The following CARM1 variants were observed in gnomAD, a reference collection of about 807,000 sequenced individuals.
CARM1 encodes histone-arginine methyltransferase CARM1.
A neutral mutation model predicts 72.7 loss-of-function variants in CARM1; 14 were observed. The ratio of observed to expected loss-of-function variants is 0.19; its 90% CI spans 0.13 to 0.30. CARM1 has a LOEUF of 0.30. Ranked by LOEUF, CARM1 falls within the 10% of genes least tolerant of loss-of-function variation. The pLI is 1.00. For missense variants in CARM1, 432 were observed against 833.7 expected, an observed-to-expected ratio of 0.52 and a Z score of 5.93; for synonymous variants, 333 against 345.5, an observed-to-expected ratio of 0.96 and a Z score of 0.40.
In CARM1 at chr19:10,922,929, T is replaced by G; in HGVS notation, c.*1172T>G. 2.1e-5 allele frequency: 4 copies of G among 191,306 alleles called. No individual in the cohort carries two copies. The highest frequency in any genetic ancestry group is 3.2e-5 in the Non-Finnish European group (3 of 94,640). The allele number at this position is 191,306 out of a possible 1,614,324, so 11.9% of individuals were successfully genotyped here. ...TCTCCCTCCTGTTCCAGGGGAGCCA[T>G]AGGAGGGAAAGCAGGTGGCCCGGGG... On this transcript the variant is annotated 3_prime_UTR_variant, in exon 16 of 16. Coordinates refer to ENST00000327064, the MANE Select transcript of CARM1 (RefSeq NM_199141.2).
At chr19:10,878,607 T>C (rs924254900) in intron 1 of CARM1, among the ~76,000 whole-genome samples, 2 of 152,182 alleles carry the variant, frequency 1.3e-5, no homozygotes, top group South Asian at 2.1e-4. Context: ...GCATTCTGGG[T>C]GACTGGATGC....
chr19:10,883,045 T>A (rs1480170938), intron 1 of CARM1, among the ~76,000 whole-genome samples: 3 of 152,094 alleles, frequency 2.0e-5, no homozygotes, highest in African/African-American at 7.2e-5. Context: ...TCTCTGCCTT[T>A]CCTGGCTGGA....
chr19:10,878,151 A>G (rs1360127283), intron 1 of CARM1, among the ~76,000 whole-genome samples: 2 of 152,178 alleles, frequency 1.3e-5, no homozygotes, highest in Non-Finnish European at 2.9e-5. Flanking sequence ...GGTGTGGCCT[A>G]TTTTTGTACA....
At chr19:10,911,974 G>A (rs767392368) in intron 4 of CARM1, among the ~76,000 whole-genome samples, 1 of 152,236 alleles carries the variant, frequency 6.6e-6, no homozygotes, top group African/African-American at 2.4e-5. Flanking sequence ...GGTTGGGGCC[G>A]AGCGGGAGCT....
intron 1 of CARM1, among the ~76,000 whole-genome samples, chr19:10,882,681 A>G (rs896926575): frequency 6.6e-6 from 1 of 151,774 alleles, no homozygotes; most frequent in Admixed American, 6.6e-5. Context: ...CTCTGGGACT[A>G]TAGGCATGTG....
At chr19:10,898,000 G>A (rs561783480) in intron 1 of CARM1, among the ~76,000 whole-genome samples, 8 of 152,186 alleles carry the variant, frequency 5.3e-5, no homozygotes, top group Non-Finnish European at 1.0e-4. Flanking sequence ...CCAGCTACTC[G>A]GGAGGCTGAG....
chr19:10,895,165 C>A (rs1317588370), intron 1 of CARM1, among the ~76,000 whole-genome samples: 1 of 152,056 alleles, frequency 6.6e-6, no homozygotes, highest in South Asian at 2.1e-4. Flanking sequence ...AGGGCAGTGG[C>A]GTGATTTCTG....
chr19:10,882,782 A>G (rs913230893), intron 1 of CARM1, among the ~76,000 whole-genome samples: 3 of 151,944 alleles, frequency 2.0e-5, no homozygotes, highest in African/African-American at 4.8e-5. Context: ...CCTCAAGTGG[A>G]TCTGCCCGCC....
intron 1 of CARM1, among the ~76,000 whole-genome samples, chr19:10,886,216 C>T (rs1164672309): frequency 1.3e-5 from 2 of 152,006 alleles, no homozygotes; most frequent in Non-Finnish European, 2.9e-5. Context: ...GCCACCACGC[C>T]CGGCTAATTG....
chr19:10,907,323 A>G (rs1029838902), intron 2 of CARM1, among the ~76,000 whole-genome samples: 1 of 152,174 alleles, frequency 6.6e-6, no homozygotes, highest in African/African-American at 2.4e-5. Context: ...GTTGAGAACC[A>G]CTGTCCCCAG....
chr19:10,877,605 A>G (rs986119450), intron 1 of CARM1, among the ~76,000 whole-genome samples: 6 of 151,592 alleles, frequency 4.0e-5, no homozygotes, highest in Non-Finnish European at 7.4e-5. Context: ...TATTTTTAGT[A>G]GAGACAGGGT....
intron 1 of CARM1, among the ~76,000 whole-genome samples, chr19:10,902,295 T>C (rs1241670615): frequency 5.9e-4 from 86 of 145,408 alleles, no homozygotes; most frequent in Non-Finnish European, 9.0e-4. Context: ...TGTTTCTTTT[T>C]TTTTTTTTTT....
intron 1 of CARM1, 101 bp downstream of exon 1, chr19:10,872,023 C>A: frequency 1.0e-6 from 1 of 985,648 alleles, no homozygotes; most frequent in Non-Finnish European, 1.3e-6. Context: ...GGGGGCCTGG[C>A]GTGGGGTCCC....
At chr19:10,897,040 G>A (rs2074029155) in intron 1 of CARM1, among the ~76,000 whole-genome samples, 1 of 152,216 alleles carries the variant, frequency 6.6e-6, no homozygotes, top group Non-Finnish European at 1.5e-5. Context: ...AGATTCCCCA[G>A]CAGAGATCAG....
chr19:10,908,977 G>T, intron 3 of CARM1, 126 bp from the exon 4 acceptor site: 1 of 629,314 alleles, frequency 1.6e-6, no homozygotes, highest in Non-Finnish European at 2.8e-6. Context: ...CCCAGGCAGA[G>T]GGTGCACGAC....
At chr19:10,875,857 G>A (rs914731141) in intron 1 of CARM1, among the ~76,000 whole-genome samples, 1 of 151,752 alleles carries the variant, frequency 6.6e-6, no homozygotes, top group Non-Finnish European at 1.5e-5. Flanking sequence ...AGATTCCAGG[G>A]GTTACAACTT....
intron 1 of CARM1, among the ~76,000 whole-genome samples, chr19:10,880,845 G>C (rs1014070272): frequency 6.8e-6 from 1 of 147,952 alleles, no homozygotes. Context: ...GGAGGTTTTC[G>C]TGGAGGGGAG....
chr19:10,884,212 A>C (rs2073923721), intron 1 of CARM1, among the ~76,000 whole-genome samples: 1 of 143,538 alleles, frequency 7.0e-6, no homozygotes, highest in Non-Finnish European at 1.5e-5. Context: ...ATGGTGGCGC[A>C]TGCCTGTAAT....
chr19:10,921,263 G>A (rs12608806), intron 14 of CARM1, 112 bp from the exon 15 acceptor site: 12 of 1,455,440 alleles, frequency 8.2e-6, no homozygotes, highest in Middle Eastern at 1.8e-4. Context: ...GCTCTCGGCC[G>A]AGGCTCTCCG....
Sources: gnomAD v4.1 joint callset for allele counts (sites outside exome capture counted in the v4.1 genomes callset) on GRCh38, gnomAD v4.1.1 for gene constraint, MANE v1.5 for transcripts, NCBI Gene and HGNC (gene_info 2026-07-23, HGNC 2026-07-21) for gene names.